PAPLN: variants seen among roughly 807,000 people sequenced by gnomAD.
The protein encoded by PAPLN is papilin.
A neutral mutation model predicts 159.0 loss-of-function variants in PAPLN; 146 were observed. That is an observed-to-expected ratio of 0.92 (90% confidence interval 0.80 to 1.05). The LOEUF (loss-of-function observed/expected upper bound fraction) is 1.05, where lower values mean the gene tolerates loss of function less well. Among genes scored for constraint, PAPLN ranks in the 50% least tolerant of loss-of-function variants. The pLI is 0.00. For missense variants in PAPLN, 1,720 were observed against 1,743.9 expected (o/e 0.99, Z 0.24); for synonymous variants, 734 against 702.9 (o/e 1.04, Z -0.70).
chr14:73,271,314 A>G (rs1887697500), intron 26 of PAPLN, among the ~76,000 whole-genome samples: 1 of 152,150 alleles, frequency 6.6e-6, no homozygotes. Flanking sequence ...CCAATATACC[A>G]AACGTTTGTA....
rs749403204 is a variant in PAPLN, at chr14:73,264,684, C to T, written c.3083C>T (p.Pro1028Leu). Residue 1028 changes from proline (P) to leucine (L), a missense_variant, in exon 22 of 27, where the codon CCC becomes CTC. Physicochemically the swap from Pro to Leu is moderately conservative, Grantham distance 98 (BLOSUM62 -3). Transcript: ENST00000644200. ...QDFGQAGAAG[P>L]LGAIPSSHPQ... ...TTTGGCCAAGCGGGGGCTGCTGGGC[C>T]CCTGGGGGCCATCCCCTCTTCACAC... 2 of 1,611,836 alleles carry T rather than the reference C, an allele frequency of 1.2e-6. No homozygotes were observed. The highest frequency in any genetic ancestry group is 4.5e-5 in the East Asian group (2 of 44,850).
intron 5 of PAPLN, among the ~76,000 whole-genome samples, chr14:73,246,434 C>T (rs1240090910): frequency 1.8e-5 from 2 of 111,266 alleles, no homozygotes; most frequent in Non-Finnish European, 1.8e-5. Flanking sequence ...TTTGGGTGGG[C>T]GCGGGGGCTC....
In PAPLN at chr14:73,253,825, G is replaced by C; in HGVS notation, c.1166G>C (p.Cys389Ser). 3 of 1,613,688 alleles carry C rather than the reference G, an allele frequency of 1.9e-6. No homozygotes were observed. Among genetic ancestry groups the C allele is most frequent in the Non-Finnish European group, 2.5e-6 (3 of 1,179,946 alleles). ...GGGSQSRSVY[C>S]ISSDGAGIQE... ...GGCTCCCAGTCCCGCTCCGTGTACT[G>C]CATCTCGTCTGACGGGGCCGGCATC... Residue 389 changes from cysteine (C) to serine (S), a missense_variant, in exon 12 of 27, where the codon TGC becomes TCC. Cys to Ser is a moderately radical substitution (Grantham distance 112). Coordinates refer to ENST00000644200, the MANE Select transcript of PAPLN (RefSeq NM_001365906.3).
Position 73,251,474 on chromosome 14 carries a change from C to G in PAPLN, c.590-12C>G, listed in dbSNP as rs1273027731. 1 of 1,602,892 alleles carries G rather than the reference C, an allele frequency of 6.2e-7. No individual in the cohort carries two copies. Among genetic ancestry groups the G allele is most frequent in the Non-Finnish European group, 8.5e-7 (1 of 1,179,626 alleles). Reference sequence around the variant, plus strand: ...AGCCCAGCACACCCAGCACCTGCGTCTCTGCCCCCAGGCTACAACCAGATC... The same window carrying G: ...AGCCCAGCACACCCAGCACCTGCGTGTCTGCCCCCAGGCTACAACCAGATC... On this transcript the variant is annotated splice_polypyrimidine_tract_variant and intron_variant, in intron 7 of 26. Coordinates refer to ENST00000644200, the MANE Select transcript of PAPLN (RefSeq NM_001365906.3).
chr14:73,247,766 G>A (rs1884628898), intron 5 of PAPLN, among the ~76,000 whole-genome samples: 1 of 143,484 alleles, frequency 7.0e-6, no homozygotes, highest in Non-Finnish European at 1.5e-5. Context: ...GATAGTGGCA[G>A]TGGGCGTGGC....
intron 2 of PAPLN, chr14:73,243,589 C>G (rs1370991321): frequency 6.6e-6 from 1 of 152,242 alleles, no homozygotes; most frequent in African/African-American, 2.4e-5. Context: ...CTGTGGTTTC[C>G]TCTCTCTGCC....
intron 25 of PAPLN, chr14:73,268,286 C>G: frequency 2.6e-6 from 1 of 384,376 alleles, no homozygotes; most frequent in South Asian, 4.5e-5. Context: ...AGGCCTCCTG[C>G]TATCTCACAG....
chr14:73,257,659 A>G (rs1566692577), intron 14 of PAPLN, among the ~76,000 whole-genome samples: 1 of 152,110 alleles, frequency 6.6e-6, no homozygotes, highest in Non-Finnish European at 1.5e-5. Flanking sequence ...AAAAAGTTGA[A>G]AGAAATGCAT....
rs752302903 is a variant in PAPLN at position 73,246,101 on chromosome 14, G to C, written c.260G>C (p.Arg87Pro). Residue 87 changes from arginine (R) to proline (P), a missense_variant, in exon 5 of 27, where the codon CGG becomes CCG. Physicochemically the swap from Arg to Pro is moderately radical, Grantham distance 103. Transcript: ENST00000644200. ...ESCPDGARDF[R>P]AEQCAEFDGA... ...TGCCCCGACGGCGCCCGGGACTTCC[G>C]GGCCGAGCAGTGCGCGGAGTTCGAC... 66 of 1,581,968 alleles carry C rather than the reference G, an allele frequency of 4.2e-5. No homozygotes were observed. The highest frequency in any genetic ancestry group is 5.1e-5 in the Non-Finnish European group (59 of 1,167,014).
At chr14:73,250,227 T>C in intron 6 of PAPLN, 113 bp downstream of exon 6, 1 of 1,362,586 alleles carries the variant, frequency 7.3e-7, no homozygotes. Context: ...TGGTGTCTTC[T>C]CAAGTTACCA....
rs1887131803 is a variant in PAPLN at position 73,265,510 on chromosome 14, T to G, written c.3263+3T>G. ...GGGCAGCCTGTCTCTTCTCCCAGGT[T>G]TATTTGACTCCTCTCCCCTTCCTCC... On this transcript the variant is annotated splice_donor_region_variant and intron_variant, in intron 23 of 26. Coordinates refer to ENST00000644200, the MANE Select transcript of PAPLN (RefSeq NM_001365906.3). This position sits in a 1 kb window ranked among gnomAD's most constrained non-coding sequence, Gnocchi z 4.1. 6.2e-7 allele frequency: 1 copy of G among 1,613,300 alleles called. No homozygotes were observed. Among genetic ancestry groups the G allele is most frequent in the African/African-American group, 1.3e-5 (1 of 74,936 alleles).
intron 1 of PAPLN, among the ~76,000 whole-genome samples, chr14:73,238,904 AG>A: frequency 6.6e-6 from 1 of 152,322 alleles, no homozygotes; most frequent in East Asian, 1.9e-4. Context: ...CCTGCACGCT[AG>A]TACTTGTTTA....
intron 18 of PAPLN, chr14:73,262,128 G>GT (rs1886651971): frequency 2.0e-6 from 1 of 510,670 alleles, no homozygotes. Context: ...AGCTCTGTGG[G>GT]TGAAGGCTGC....
intron 5 of PAPLN, among the ~76,000 whole-genome samples, chr14:73,249,480 C>A (rs1884978425): frequency 6.6e-6 from 1 of 152,116 alleles, no homozygotes; most frequent in South Asian, 2.1e-4. Context: ...TCGAGACCAG[C>A]CTGCCCAACA....
At chr14:73,254,096 G>A (rs910818954) in intron 12 of PAPLN, 135 bp downstream of exon 12, 2 of 1,016,636 alleles carry the variant, frequency 2.0e-6, no homozygotes, top group Non-Finnish European at 2.8e-6. Context: ...GGAAGCTGTG[G>A]CCAAGGCTGG....
In PAPLN at chr14:73,246,149, G is replaced by A. The variant is rs372124733; in HGVS notation, c.308G>A (p.Arg103Gln). Reference sequence around the variant, plus strand: ...GACGGAGCGGAGTTCCAGGGGCGGCGGTATCGGTGGCTGCCCTACTACAGC... The same window carrying A: ...GACGGAGCGGAGTTCCAGGGGCGGCAGTATCGGTGGCTGCCCTACTACAGC... Reference protein sequence around the residue: ...EFDGAEFQGRRYRWLPYYSAP... With the variant: ...EFDGAEFQGRQYRWLPYYSAP... The change falls in exon 5 of 27, where the codon CGG (arginine) becomes CAG (glutamine). Residue 103 changes from arginine (R) to glutamine (Q), a missense_variant. By Grantham distance (43) the Arg-to-Gln change is conservative. Coordinates refer to ENST00000644200, the MANE Select transcript of PAPLN (RefSeq NM_001365906.3). 6.3e-5 allele frequency: 100 copies of A among 1,590,514 alleles called. No homozygotes were observed. Among genetic ancestry groups the A allele is most frequent in the Non-Finnish European group, 8.2e-5 (96 of 1,171,410 alleles).
Position 73,246,063 on chromosome 14 carries a change from C to G in PAPLN, c.232-10C>G. On this transcript the variant is annotated splice_polypyrimidine_tract_variant and intron_variant, in intron 4 of 26. Coordinates refer to ENST00000644200, the MANE Select transcript of PAPLN (RefSeq NM_001365906.3). Reference sequence around the variant, plus strand: ...CCCTCCTGGATCCCGACTTCCCCTCCGCCCCGCAGAGCTGCCCCGACGGCG... The same window carrying G: ...CCCTCCTGGATCCCGACTTCCCCTCGGCCCCGCAGAGCTGCCCCGACGGCG... 1 of 1,528,732 alleles carries G rather than the reference C, an allele frequency of 6.5e-7. No individual in the cohort carries two copies. The highest frequency in any genetic ancestry group is 8.8e-7 in the Non-Finnish European group (1 of 1,141,918). The allele number at this position is 1,528,732 out of a possible 1,614,324, so 94.7% of individuals were successfully genotyped here.
intron 20 of PAPLN, 34 bp from the exon 21 acceptor site, chr14:73,264,177 C>G (rs747155343): frequency 1.2e-6 from 2 of 1,611,918 alleles, no homozygotes; most frequent in Admixed American, 1.7e-5. Context: ...CTTGGGAGCC[C>G]AGAGCTCATG....
In PAPLN at chr14:73,245,111, T is replaced by TC. The variant is rs1884059400; in HGVS notation, c.170+356dup. 1 of 222,632 alleles carries TC rather than the reference T, an allele frequency of 4.5e-6. No individual in the cohort carries two copies. The highest frequency in any genetic ancestry group is 9.0e-6 in the Non-Finnish European group (1 of 111,246). 13.8% of individuals were successfully genotyped at this position (222,632 alleles called of 1,614,324 possible). ...TGGTTTCTTTACCGAGTACAGATGT[T>TC]CCCCACTTCAAGCGATTTATTAAAT... On this transcript the variant is annotated intron_variant, in intron 3 of 26. Coordinates refer to ENST00000644200, the MANE Select transcript of PAPLN (RefSeq NM_001365906.3). The surrounding 1 kb of genome is among the most constrained non-coding windows in gnomAD (Gnocchi z 4.2).
Sources: allele counts gnomAD v4.1 joint callset (sites outside exome capture counted in the v4.1 genomes callset), GRCh38; gene constraint gnomAD v4.1.1; non-coding constraint Gnocchi (gnomAD v3.1); transcripts MANE v1.5; gene names NCBI Gene and HGNC (gene_info 2026-07-23, HGNC 2026-07-21).